The following PHYH variants were observed in gnomAD, a reference collection of about 807,000 sequenced individuals.
The protein encoded by PHYH is phytanoyl-CoA 2-hydroxylase.
A neutral mutation model predicts 38.5 loss-of-function variants in PHYH; 32 were observed. The ratio of observed to expected loss-of-function variants is 0.83; its 90% confidence interval spans 0.63 to 1.12. The LOEUF (loss-of-function observed/expected upper bound fraction) is 1.12. PHYH is among the 50% of genes most tolerant of loss of function. The pLI is 0.00. For synonymous variants in PHYH, 166 were observed against 157.9 expected (o/e 1.05, Z -0.38); for missense variants, 426 against 434.8 (o/e 0.98, Z 0.18).
intron 2 of PHYH, 46 bp from the exon 3 acceptor site, chr10:13,295,652 C>T (rs781162157): frequency 4.7e-6 from 4 of 853,582 alleles, no homozygotes; most frequent in Admixed American, 1.7e-5. Flanking sequence ...TTTTAAATTA[C>T]AGGCTAGGCA....
At chr10:13,283,928 G>C in intron 6 of PHYH, 89 bp from the exon 7 acceptor site, 1 of 1,094,450 alleles carries the variant, frequency 9.1e-7, no homozygotes, top group Non-Finnish European at 1.4e-6. Context: ...GCAAACATCA[G>C]GGAAAGAAAG....
chr10:13,284,960 C>A (rs1556718), intron 6 of PHYH, among the ~76,000 whole-genome samples: 41,348 of 151,984 alleles, frequency 0.27, 5,709 homozygotes, highest in South Asian at 0.35. Flanking sequence ...TCCCACTCTG[C>A]ATCTGAGCAG....
intron 4 of PHYH, among the ~76,000 whole-genome samples, chr10:13,293,717 C>T (rs1350275584): frequency 6.6e-6 from 1 of 152,200 alleles, no homozygotes; most frequent in Non-Finnish European, 1.5e-5. Flanking sequence ...TCTCCTGTTT[C>T]AGCCTTCCAA....
At chr10:13,283,313 T>A (rs1835462521) in intron 7 of PHYH, among the ~76,000 whole-genome samples, 1 of 151,650 alleles carries the variant, frequency 6.6e-6, no homozygotes, top group South Asian at 2.1e-4. Flanking sequence ...GTATTTTTAG[T>A]AGAGATGGGG....
intron 3 of PHYH, 60 bp from the exon 4 acceptor site, chr10:13,294,656 C>T: frequency 6.8e-7 from 1 of 1,474,858 alleles, no homozygotes; most frequent in Non-Finnish European, 9.5e-7. Context: ...CTGCCCTGCC[C>T]TCCTCTGTGG....
At chr10:13,282,610 A>AC in intron 7 of PHYH, among the ~76,000 whole-genome samples, 1 of 151,438 alleles carries the variant, frequency 6.6e-6, no homozygotes, top group African/African-American at 2.4e-5. Context: ...AAAAAAAAGA[A>AC]AAAAGGAAAA....
intron 6 of PHYH, among the ~76,000 whole-genome samples, chr10:13,286,268 C>T (rs1029657677): frequency 2.6e-5 from 4 of 152,068 alleles, no homozygotes; most frequent in South Asian, 2.1e-4. Flanking sequence ...TGCACCAGAA[C>T]GTGACATTAC....
At chr10:13,280,532 G>A (rs560607810) in intron 8 of PHYH, among the ~76,000 whole-genome samples, 2 of 152,192 alleles carry the variant, frequency 1.3e-5, no homozygotes, top group African/African-American at 4.8e-5. Context: ...TTTTAGTAGA[G>A]ATGGAGTCTC....
At chr10:13,288,816 G>A (rs1482516785) in intron 5 of PHYH, among the ~76,000 whole-genome samples, 1 of 151,502 alleles carries the variant, frequency 6.6e-6, no homozygotes, top group Non-Finnish European at 1.5e-5. Context: ...AGGCTGAGGT[G>A]GGAGGATCAC....
chr10:13,297,248 C>T (rs1226087441), intron 2 of PHYH, among the ~76,000 whole-genome samples: 1 of 152,088 alleles, frequency 6.6e-6, no homozygotes, highest in African/African-American at 2.4e-5. Context: ...CCAGTTGATG[C>T]ATTCCAAGAA....
At chr10:13,285,930 C>T (rs1033741282) in intron 6 of PHYH, among the ~76,000 whole-genome samples, 7 of 150,436 alleles carry the variant, frequency 4.7e-5, no homozygotes, top group African/African-American at 1.2e-4. Context: ...TCTTTTGATA[C>T]GGGAACTTGC....
chr10:13,291,869 G>C lies in PHYH; in HGVS notation c.458C>G (p.Ala153Gly). 1 of 1,610,370 alleles carries C rather than the reference G, an allele frequency of 6.2e-7. No homozygotes were observed. Among genetic ancestry groups the C allele is most frequent in the Admixed American group, 1.7e-5 (1 of 59,946 alleles). The part of the protein sequence containing the change: ...VECFTGPNIM[A>G]MHTMLINKPP... ...TTTGTTTATCAACATTGTGTGCATG[G>C]CCATAATATTAGGTCCAGTGAAGCA... Residue 153 changes from alanine (A) to glycine (G), a missense_variant, in exon 5 of 9, where the codon GCC becomes GGC. Ala to Gly is a moderately conservative substitution (Grantham distance 60). Coordinates refer to ENST00000263038, the MANE Select transcript of PHYH (RefSeq NM_006214.4).
intron 6 of PHYH, among the ~76,000 whole-genome samples, chr10:13,285,225 C>T (rs1370376880): frequency 6.6e-6 from 1 of 152,036 alleles, no homozygotes; most frequent in Non-Finnish European, 1.5e-5. Context: ...GCTCTGTCGC[C>T]CAGGCTGGAG....
chr10:13,298,919 CA>C (rs370908819), intron 1 of PHYH, among the ~76,000 whole-genome samples: 52,369 of 100,932 alleles, frequency 0.52, 11,830 homozygotes, highest in East Asian at 0.73. Context: ...GACTCCGTCT[CA>C]AAAATAATAA....
chr10:13,299,456 CAGTGGCAATGCCGTAGTCCA>C, intron 1 of PHYH: 1 of 1,002,442 alleles, frequency 1.0e-6, no homozygotes, highest in Non-Finnish European at 1.2e-6. Context: ...TTATATAACT[CAGTGGCAATGCCGTAGTCCA>C]GCAGGGAGGC....
chr10:13,285,993 G>A (rs187621264), intron 6 of PHYH, among the ~76,000 whole-genome samples: 1 of 150,810 alleles, frequency 6.6e-6, no homozygotes, highest in Non-Finnish European at 1.5e-5. Context: ...CTGCAGCCTC[G>A]AATTCCTGGG....
chr10:13,281,040 A>G lies in PHYH; in HGVS notation c.899T>C (p.Ile300Thr). Reference protein sequence around the residue: ...IDVKGTSQENIEKEVVGIAHK... With the variant: ...IDVKGTSQENTEKEVVGIAHK... Reference sequence around the variant, plus strand: ...TGCTATTCCTACAACTTCCTTCTCGATGTTTTCTTGACTGGTGCCCTTCAC... The same window carrying G: ...TGCTATTCCTACAACTTCCTTCTCGGTGTTTTCTTGACTGGTGCCCTTCAC... Residue 300 changes from isoleucine (I) to threonine (T), a missense_variant, in exon 8 of 9, where the codon ATC becomes ACC. Coordinates refer to ENST00000263038, the MANE Select transcript of PHYH (RefSeq NM_006214.4). 6.2e-7 allele frequency: 1 copy of G among 1,614,070 alleles called. No individual in the cohort carries two copies. The highest frequency in any genetic ancestry group is 8.5e-7 in the Non-Finnish European group (1 of 1,179,936).
chr10:13,297,934 A>C (rs1160149845), intron 2 of PHYH, among the ~76,000 whole-genome samples: 1 of 151,732 alleles, frequency 6.6e-6, no homozygotes, highest in East Asian at 2.0e-4. Flanking sequence ...GTCTCTATTA[A>C]AAATAAATAA....
rs138785794 is a variant in PHYH, at chr10:13,286,552, T to G, written c.678+1808A>C. Among the ~76,000 whole-genome samples the G allele has an allele frequency of 3.9e-5, 6 of 151,920 alleles. No individual in the cohort carries two copies. The East Asian group carries it at 9.7e-4, about 25-fold the overall frequency. ...CTCGTCTCTACTAAAAATATAAAAA[T>G]TAGCTGAGCATGGTGGCTTGTGCCT... On this transcript the variant is annotated intron_variant, in intron 6 of 8. Transcript: ENST00000263038.
Sources: allele counts gnomAD v4.1 joint callset (sites outside exome capture counted in the v4.1 genomes callset), GRCh38; gene constraint gnomAD v4.1.1; transcripts MANE v1.5; gene names NCBI Gene and HGNC (gene_info 2026-07-23, HGNC 2026-07-21).